GSE1: variants seen among roughly 807,000 people sequenced by gnomAD.
GSE1 encodes genetic suppressor element 1.
Under a neutral mutation model 112.6 loss-of-function variants are expected in GSE1, and 32 were observed. The ratio of observed to expected loss-of-function variants is 0.28; its 90% CI spans 0.21 to 0.38. The LOEUF is 0.38. Ranked by LOEUF, GSE1 falls within the 10% of genes least tolerant of loss-of-function variation. GSE1 has a pLI of 1.00. For synonymous variants in GSE1, 1,115 were observed against 735.6 expected (o/e 1.52, Z -8.35); for missense variants, 2,348 against 1,699.2 (o/e 1.38, Z -6.71).
chr16:85,441,392 C>T (rs866534653), intron 2 of GSE1, among the ~76,000 whole-genome samples: 8 of 152,308 alleles, frequency 5.3e-5, no homozygotes, highest in South Asian at 2.1e-4. Context: ...TGGTGGCTCA[C>T]GCCTGCGGTC....
At chr16:85,559,110 G>C (rs1362852924) in intron 1 of GSE1, among the ~76,000 whole-genome samples, 1 of 152,148 alleles carries the variant, frequency 6.6e-6, no homozygotes, top group East Asian at 1.9e-4. Flanking sequence ...CACCCACTTT[G>C]GGCTCCCACC....
intron 2 of GSE1, among the ~76,000 whole-genome samples, chr16:85,412,704 G>T (rs1400431315): frequency 7.2e-6 from 1 of 139,708 alleles, no homozygotes; most frequent in Non-Finnish European, 1.6e-5. Flanking sequence ...AGGGCACCTG[G>T]ATAATCCTCA....
chr16:85,205,366 C>A (rs35152189), intron 1 of GSE1, among the ~76,000 whole-genome samples: 23,008 of 152,086 alleles, frequency 0.15, 1,759 homozygotes, highest in Middle Eastern at 0.18. Flanking sequence ...TCCTGGCTTC[C>A]AGTGATCCGC....
intron 1 of GSE1, among the ~76,000 whole-genome samples, chr16:85,589,770 A>G (rs2046893812): frequency 6.6e-6 from 1 of 151,960 alleles, no homozygotes; most frequent in Admixed American, 6.6e-5. Context: ...CTTGTGTGAC[A>G]TTGTGAATGT....
chr16:85,357,371 G>A, intron 1 of GSE1: 1 of 829,336 alleles, frequency 1.2e-6, no homozygotes, highest in Non-Finnish European at 1.6e-6. Context: ...CATCGTCGGG[G>A]AGGAATGGCA....
At chr16:85,349,266 C>A (rs1462243205) in intron 1 of GSE1, among the ~76,000 whole-genome samples, 1 of 152,184 alleles carries the variant, frequency 6.6e-6, no homozygotes, top group Non-Finnish European at 1.5e-5. Context: ...TTTGGAGCCT[C>A]TGCTTGCCAT....
At chr16:85,338,215 C>T (rs1027009412) in intron 1 of GSE1, among the ~76,000 whole-genome samples, 1 of 152,266 alleles carries the variant, frequency 6.6e-6, no homozygotes, top group African/African-American at 2.4e-5. Context: ...TCTGCACCGG[C>T]AGATCTTCCC....
chr16:85,200,078 A>T (rs4564552), intron 1 of GSE1, among the ~76,000 whole-genome samples: 107,038 of 152,050 alleles, frequency 0.7, 38,465 homozygotes, highest in African/African-American at 0.85. Context: ...CTGTTATCCC[A>T]CCCTCTGCGG....
chr16:85,617,433 A>C (rs896952001), intron 1 of GSE1, among the ~76,000 whole-genome samples: 1 of 152,054 alleles, frequency 6.6e-6, no homozygotes, highest in Admixed American at 6.5e-5. Context: ...GTTTCTAGGG[A>C]GGCAGGTGGA....
chr16:85,215,413 T>C (rs1435726948), intron 1 of GSE1, among the ~76,000 whole-genome samples: 1 of 151,974 alleles, frequency 6.6e-6, no homozygotes, highest in Non-Finnish European at 1.5e-5. Context: ...GGGGAAGGGT[T>C]GTGGGGGGGC....
intron 10 of GSE1, 67 bp downstream of exon 10, chr16:85,663,160 C>T: frequency 1.6e-6 from 2 of 1,257,324 alleles, no homozygotes; most frequent in South Asian, 1.2e-5. Flanking sequence ...CCACACCCTG[C>T]AGTCCACCCC....
intron 1 of GSE1, among the ~76,000 whole-genome samples, chr16:85,226,426 A>T (rs929216651): frequency 2.0e-5 from 3 of 152,230 alleles, no homozygotes; most frequent in Non-Finnish European, 4.4e-5. Context: ...GTGATGGTGA[A>T]GGACAAGTGG....
intron 14 of GSE1, chr16:85,670,510 T>A (rs2053244074): frequency 6.6e-6 from 1 of 152,296 alleles, no homozygotes; most frequent in Non-Finnish European, 1.5e-5. Flanking sequence ...GCACTTTCCC[T>A]GTTTTTCATT....
intron 2 of GSE1, among the ~76,000 whole-genome samples, chr16:85,393,135 G>A (rs557230225): frequency 6.6e-6 from 1 of 152,350 alleles, no homozygotes; most frequent in East Asian, 1.9e-4. Flanking sequence ...TGGGCACGGT[G>A]GTGCGCACTT....
chr16:85,526,373 C>A (rs2052365231), intron 2 of GSE1, among the ~76,000 whole-genome samples: 1 of 152,248 alleles, frequency 6.6e-6, no homozygotes, highest in African/African-American at 2.4e-5. Flanking sequence ...TCAGGAGCTG[C>A]AGAAGTAGAG....
intron 2 of GSE1, among the ~76,000 whole-genome samples, chr16:85,492,684 G>A (rs8048742): frequency 0.18 from 26,732 of 151,990 alleles, 2,538 homozygotes; most frequent in African/African-American, 0.24. Context: ...CCCTTAAGTA[G>A]CCACACTGCC....
At chr16:85,470,481 C>T (rs560684466) in intron 2 of GSE1, among the ~76,000 whole-genome samples, 2 of 152,350 alleles carry the variant, frequency 1.3e-5, no homozygotes, top group Admixed American at 1.3e-4. Flanking sequence ...TCATGCCCGG[C>T]CACTGCACCT....
At chr16:85,220,411 C>T (rs575364975) in intron 1 of GSE1, among the ~76,000 whole-genome samples, 5 of 152,342 alleles carry the variant, frequency 3.3e-5, no homozygotes, top group Non-Finnish European at 7.3e-5. Flanking sequence ...AACTCGATCA[C>T]CCCCGGCTCA....
intron 2 of GSE1, among the ~76,000 whole-genome samples, chr16:85,476,221 C>T (rs893770187): frequency 2.0e-5 from 3 of 152,210 alleles, no homozygotes; most frequent in Non-Finnish European, 2.9e-5. Flanking sequence ...CGTCAGCCAC[C>T]GTGCCTCACC....
Sources: gnomAD v4.1 joint callset for allele counts (sites outside exome capture counted in the v4.1 genomes callset) on GRCh38, gnomAD v4.1.1 for gene constraint, MANE v1.5 for transcripts, NCBI Gene and HGNC (gene_info 2026-07-23, HGNC 2026-07-21) for gene names.